TNR: variants seen among roughly 807,000 people sequenced by gnomAD.
TNR encodes the protein tenascin R.
In TNR, 45 loss-of-function variants were observed where a neutral mutation model predicts 150.4. The ratio of observed to expected loss-of-function variants is 0.30; its 90% CI spans 0.24 to 0.38. The LOEUF (loss-of-function observed/expected upper bound fraction) is 0.38, where lower values mean the gene tolerates loss of function less well. Ranked by LOEUF, TNR falls within the 10% of genes least tolerant of loss-of-function variation. The pLI, the probability that TNR is intolerant of heterozygous loss-of-function variation, is 1.00. For synonymous variants in TNR, 687 were observed against 678.4 expected (o/e 1.01, Z -0.20); for missense variants, 1,544 against 1,759.1 (o/e 0.88, Z 2.19).
intron 5 of TNR, among the ~76,000 whole-genome samples, chr1:175,395,379 T>C (rs1653378311): frequency 6.6e-6 from 1 of 152,186 alleles, no homozygotes. Context: ...CTCTTACCCC[T>C]TATCTGGTGG....
intron 1 of TNR, among the ~76,000 whole-genome samples, chr1:175,577,226 G>C (rs1662154705): frequency 4.6e-5 from 7 of 152,058 alleles, no homozygotes; most frequent in Admixed American, 3.9e-4. Flanking sequence ...GAAGAATTTG[G>C]GGTAACTGCC....
At chr1:175,551,133 A>T (rs914559878) in intron 1 of TNR, among the ~76,000 whole-genome samples, 1 of 152,242 alleles carries the variant, frequency 6.6e-6, no homozygotes, top group African/African-American at 2.4e-5. Context: ...GGAGGATCTC[A>T]TTAGAAACTT....
chr1:175,460,879 GCACA>G (rs367713854), intron 2 of TNR, among the ~76,000 whole-genome samples: 2 of 152,256 alleles, frequency 1.3e-5, no homozygotes, highest in African/African-American at 4.8e-5. Flanking sequence ...ACACATGGAT[GCACA>G]CACACATACA....
chr1:175,576,520 T>C lies in TNR; in HGVS notation c.-164-48151A>G, dbSNP rs79232320. Among the ~76,000 whole-genome samples the C allele has an allele frequency of 5.7e-3, 875 of 152,226 alleles. 14 individuals carry two copies. The highest frequency in any genetic ancestry group is 0.019 in the African/African-American group (778 of 41,522). On this transcript the variant is annotated intron_variant, in intron 1 of 22. Transcript: ENST00000367674. ...ATTCTTTCAGGACCAGCCCTGACTG[T>C]ACTAGGCACAGCAGCTACAAAGACA...
At chr1:175,484,969 A>G (rs188619342) in intron 2 of TNR, among the ~76,000 whole-genome samples, 1 of 152,318 alleles carries the variant, frequency 6.6e-6, no homozygotes, top group East Asian at 1.9e-4. Flanking sequence ...GATCCCAGCA[A>G]AGAAGTTTGC....
At chr1:175,695,550 C>A (rs117898743) in intron 1 of TNR, among the ~76,000 whole-genome samples, 2 of 152,318 alleles carry the variant, frequency 1.3e-5, no homozygotes, top group East Asian at 3.9e-4. Context: ...CTAGGCTAAT[C>A]ATTCACCACT....
At chr1:175,487,983 C>A (rs1330496075) in intron 2 of TNR, among the ~76,000 whole-genome samples, 1 of 151,980 alleles carries the variant, frequency 6.6e-6, no homozygotes. Context: ...CTCAGGTGGG[C>A]CTTGGGTGAG....
At position 175,362,708 on chromosome 1, in the gene TNR, G is replaced by T. The variant is rs150401432; in HGVS notation, c.2809C>A (p.Arg937=). The T allele has an allele frequency of 7.4e-6, 12 of 1,613,996 alleles. No homozygotes were observed. The highest frequency in any genetic ancestry group is 1.1e-5 in the South Asian group (1 of 91,080). Residue 937 remains arginine, a synonymous_variant, in exon 14 of 23, where the codon CGG becomes AGG. Coordinates refer to ENST00000367674, the MANE Select transcript of TNR (RefSeq NM_003285.3). ...ATGCGCTCGCTTTCCTCCCTGCCCC[G>T]CACGCTGTTGAGGCTGATTTCGTAT... The part of the protein sequence containing the change: ...TEYEISLNSV[R]GREESERICT...
At chr1:175,374,890 G>A (rs1009930588) in intron 9 of TNR, among the ~76,000 whole-genome samples, 7 of 152,304 alleles carry the variant, frequency 4.6e-5, no homozygotes, top group African/African-American at 1.2e-4. Flanking sequence ...GAATCCTTAC[G>A]GATCCTAAGC....
At chr1:175,348,331 C>A (rs1393593079) in intron 18 of TNR, among the ~76,000 whole-genome samples, 1 of 152,004 alleles carries the variant, frequency 6.6e-6, no homozygotes, top group Non-Finnish European at 1.5e-5. Context: ...TCAGTTCTCC[C>A]CAAATTAATT....
chr1:175,325,344 C>T (rs1355989428), intron 21 of TNR, among the ~76,000 whole-genome samples: 1 of 152,082 alleles, frequency 6.6e-6, no homozygotes, highest in East Asian at 1.9e-4. Flanking sequence ...GTTAGAATGG[C>T]GATCATTAAA....
chr1:175,474,203 A>T (rs1657422773), intron 2 of TNR, among the ~76,000 whole-genome samples: 1 of 152,158 alleles, frequency 6.6e-6, no homozygotes, highest in African/African-American at 2.4e-5. Flanking sequence ...TGTCCTACCA[A>T]ATTCCTAGGT....
chr1:175,514,324 C>T (rs1007652842), intron 2 of TNR, among the ~76,000 whole-genome samples: 1 of 152,174 alleles, frequency 6.6e-6, no homozygotes, highest in Non-Finnish European at 1.5e-5. Context: ...TAGCCTGTAC[C>T]CTGCATGGAA....
At chr1:175,634,058 A>T (rs948407851) in intron 1 of TNR, among the ~76,000 whole-genome samples, 1 of 152,146 alleles carries the variant, frequency 6.6e-6, no homozygotes, top group Non-Finnish European at 1.5e-5. Flanking sequence ...TCACTGTCAG[A>T]TGAAATAAGC....
chr1:175,461,639 A>C (rs1289342653), intron 2 of TNR, among the ~76,000 whole-genome samples: 2 of 152,142 alleles, frequency 1.3e-5, no homozygotes, highest in East Asian at 3.9e-4. Context: ...TCTCTTGGAA[A>C]ATCTTACTTC....
intron 1 of TNR, among the ~76,000 whole-genome samples, chr1:175,569,853 G>A (rs1335649744): frequency 6.6e-6 from 1 of 152,148 alleles, no homozygotes; most frequent in Non-Finnish European, 1.5e-5. Context: ...AGGTTAGGTC[G>A]TTTTCCAGGT....
chr1:175,585,188 G>C (rs1421875552), intron 1 of TNR, among the ~76,000 whole-genome samples: 1 of 152,042 alleles, frequency 6.6e-6, no homozygotes, highest in Non-Finnish European at 1.5e-5. Flanking sequence ...ATATTTGATG[G>C]AATAAAACAA....
intron 3 of TNR, among the ~76,000 whole-genome samples, chr1:175,404,901 T>C (rs980100892): frequency 9.2e-5 from 14 of 152,224 alleles, no homozygotes; most frequent in African/African-American, 2.9e-4. Context: ...GTGTTGGTTA[T>C]TGGGAGGAGA....
intron 2 of TNR, among the ~76,000 whole-genome samples, chr1:175,412,563 T>A (rs75005855): frequency 0.041 from 6,246 of 152,110 alleles, 212 homozygotes; most frequent in Non-Finnish European, 0.057. Context: ...AGAACAATTC[T>A]CCACCGAGCC....
Sources: gnomAD v4.1 joint callset for allele counts (sites outside exome capture counted in the v4.1 genomes callset) on GRCh38, gnomAD v4.1.1 for gene constraint, MANE v1.5 for transcripts, NCBI Gene and HGNC (gene_info 2026-07-23, HGNC 2026-07-21) for gene names.